SIN3A: variants seen among roughly 807,000 people sequenced by gnomAD.
The protein encoded by SIN3A is paired amphipathic helix protein Sin3a.
SIN3A carries 14 observed loss-of-function variants against 146.1 expected under a neutral mutation model. The ratio of observed to expected loss-of-function variants is 0.10; its 90% confidence interval spans 0.06 to 0.15. SIN3A has a LOEUF of 0.15. Among genes scored for constraint, SIN3A ranks in the 10% least tolerant of loss-of-function variants. The pLI is 1.00. For synonymous variants in SIN3A, 572 were observed against 572.0 expected, an observed-to-expected ratio of 1.00 and a Z score of 0.00; for missense variants, 1,028 against 1,576.0, an observed-to-expected ratio of 0.65 and a Z score of 5.89.
At chr15:75,403,737 G>T (rs1694089755) in intron 9 of SIN3A, among the ~76,000 whole-genome samples, 1 of 151,868 alleles carries the variant, frequency 6.6e-6, no homozygotes, top group East Asian at 1.9e-4. Context: ...GTAGAGACGG[G>T]GTTTCACCAT....
intron 15 of SIN3A, among the ~76,000 whole-genome samples, chr15:75,390,121 G>A (rs181633656): frequency 2.6e-5 from 4 of 152,236 alleles, no homozygotes; most frequent in Admixed American, 2.6e-4. Flanking sequence ...AATATCCTAG[G>A]GAAGCCAGTC....
intron 1 of SIN3A, among the ~76,000 whole-genome samples, chr15:75,432,556 G>A (rs937137445): frequency 4.0e-5 from 6 of 150,644 alleles, no homozygotes; most frequent in East Asian, 2.0e-4. Context: ...GTGTGATGGC[G>A]CACACCTGTA....
intron 1 of SIN3A, among the ~76,000 whole-genome samples, chr15:75,439,640 C>T (rs1049847233): frequency 6.6e-6 from 1 of 151,962 alleles, no homozygotes; most frequent in Non-Finnish European, 1.5e-5. Flanking sequence ...CCACCGCACC[C>T]GGCCATCAAT....
At chr15:75,452,515 A>G (rs373971987), upstream of SIN3A, among the ~76,000 whole-genome samples, 100 of 152,374 alleles carry the variant, frequency 6.6e-4, 2 homozygotes, top group South Asian at 0.019. Flanking sequence ...GCGTCCTTGT[A>G]AACACAAATA....
In SIN3A at chr15:75,407,223, T is replaced by G. The variant is rs2073532492; in HGVS notation, c.1318-79A>C. Reference sequence around the variant, plus strand: ...TTTATTTTTGTCTGTATTCAATGGTTTCATCACTGAAACCACTGCTGATTA... The same window carrying G: ...TTTATTTTTGTCTGTATTCAATGGTGTCATCACTGAAACCACTGCTGATTA... On this transcript the variant is annotated intron_variant, in intron 8 of 20. Coordinates refer to ENST00000394947, the MANE Select transcript of SIN3A (RefSeq NM_001145358.2). The G allele has an allele frequency of 6.5e-6, 6 of 927,324 alleles. No homozygotes were observed. The East Asian group carries it at 1.5e-4, about 24-fold the overall frequency. 57.4% of individuals were successfully genotyped at this position (927,324 alleles called of 1,614,324 possible).
chr15:75,430,221 G>A lies in SIN3A; in HGVS notation c.155C>T (p.Thr52Met), dbSNP rs2073992108. Reference protein sequence around the residue: ...EAVSETMQSATGIQYSVTPSY... With the variant: ...EAVSETMQSAMGIQYSVTPSY... ...GGGTGTTACAGAGTACTGAATTCCCGTAGCTGACTGCATGGTCTCAGACAC... is the reference window on the plus strand; with the variant it reads ...GGGTGTTACAGAGTACTGAATTCCCATAGCTGACTGCATGGTCTCAGACAC... Residue 52 changes from threonine (T) to methionine (M), a missense_variant, in exon 2 of 21, where the codon ACG (threonine) becomes ATG (methionine). Physicochemically the swap from Thr to Met is moderately conservative, Grantham distance 81 (BLOSUM62 -1). Around this residue, in one of 9 missense-constraint regions of SIN3A, gnomAD observed 152 missense variants for 231.5 expected, o/e 0.66. Transcript: ENST00000394947. 6.2e-7 allele frequency: 1 copy of A among 1,614,092 alleles called. No homozygotes were observed. The highest frequency in any genetic ancestry group is 8.5e-7 in the Non-Finnish European group (1 of 1,180,004).
In SIN3A at chr15:75,384,305, G is replaced by A. The variant is rs111803180; in HGVS notation, c.3154C>T (p.Arg1052Trp). 2.5e-6 allele frequency: 4 copies of A among 1,612,910 alleles called. No individual in the cohort carries two copies. The highest frequency in any genetic ancestry group is 3.4e-6 in the Non-Finnish European group (4 of 1,179,348). Residue 1052 changes from arginine (R) to tryptophan (W), a missense_variant, in exon 17 of 21, where the codon CGG becomes TGG. Transcript: ENST00000394947. ...SRSLLESTYQRKAEQLMSDEN... is the reference protein window; with the variant it reads ...SRSLLESTYQWKAEQLMSDEN... ...TCTGACATTAGCTGCTCAGCTTTCC[G>A]CTGATACGTTGACTCCAGGAGGCTC... is the stretch of plus-strand genomic sequence containing the variant.
intron 12 of SIN3A, among the ~76,000 whole-genome samples, chr15:75,398,219 G>A (rs939309829): frequency 6.6e-6 from 1 of 152,164 alleles, no homozygotes; most frequent in Non-Finnish European, 1.5e-5. Flanking sequence ...TACATCTTTA[G>A]ACAAACCAGA....
intron 1 of SIN3A, among the ~76,000 whole-genome samples, chr15:75,433,217 ACT>A (rs1363006135): frequency 6.6e-6 from 1 of 152,084 alleles, no homozygotes; most frequent in Non-Finnish European, 1.5e-5. Context: ...TCTACTCCAA[ACT>A]CTATCTACCA....
At chr15:75,378,958 T>C (rs1260371261) in intron 19 of SIN3A, among the ~76,000 whole-genome samples, 1 of 151,614 alleles carries the variant, frequency 6.6e-6, no homozygotes, top group East Asian at 1.9e-4. Flanking sequence ...TGGAGTGCCG[T>C]GGTGCGATCT....
chr15:75,379,561 A>C (rs1448465437), intron 19 of SIN3A, among the ~76,000 whole-genome samples: 1 of 152,224 alleles, frequency 6.6e-6, no homozygotes, highest in African/African-American at 2.4e-5. Context: ...TTTTGTTGAG[A>C]GGAACCTGAC....
chr15:75,439,360 A>G (rs1049834258), intron 1 of SIN3A, among the ~76,000 whole-genome samples: 17 of 149,422 alleles, frequency 1.1e-4, no homozygotes, highest in African/African-American at 3.9e-4. Context: ...TTTTTTTTTG[A>G]GACAGAGTCT....
chr15:75,440,336 T>C (rs1236938663), intron 1 of SIN3A, among the ~76,000 whole-genome samples: 1 of 151,370 alleles, frequency 6.6e-6, no homozygotes, highest in African/African-American at 2.4e-5. Flanking sequence ...GTTCAAGCAA[T>C]TCCTGTGCCT....
intron 1 of SIN3A, chr15:75,446,098 A>G (rs951831923): frequency 3.3e-5 from 5 of 152,210 alleles, no homozygotes; most frequent in African/African-American, 9.6e-5. Context: ...TCCCTCAAGA[A>G]GCTTATATTT....
chr15:75,376,131 G>T, intron 19 of SIN3A: 1 of 532,266 alleles, frequency 1.9e-6, no homozygotes, highest in South Asian at 2.3e-5. Context: ...GAAACTTCTA[G>T]GCCTCTGTCT....
chr15:75,393,123 G>C (rs2073239945), intron 14 of SIN3A, among the ~76,000 whole-genome samples: 1 of 152,116 alleles, frequency 6.6e-6, no homozygotes, highest in African/African-American at 2.4e-5. Context: ...CCAGCCCTTG[G>C]GATGCTAAGG....
upstream of SIN3A, chr15:75,452,826 A>T (rs2074431440): frequency 6.6e-6 from 1 of 152,334 alleles, no homozygotes; most frequent in African/African-American, 2.4e-5. Flanking sequence ...CCACACTCAG[A>T]GAATGGATAA....
intron 1 of SIN3A, among the ~76,000 whole-genome samples, chr15:75,438,351 C>T (rs1286901253): frequency 6.7e-6 from 1 of 149,024 alleles, no homozygotes; most frequent in African/African-American, 2.5e-5. Flanking sequence ...GTTGACAGAA[C>T]AAGGCTCTCC....
chr15:75,375,804 T>C lies in SIN3A; in HGVS notation c.3452A>G (p.Asn1151Ser). The C allele has an allele frequency of 6.2e-7, 1 of 1,614,180 alleles. No homozygotes were observed. The highest frequency in any genetic ancestry group is 8.5e-7 in the Non-Finnish European group (1 of 1,180,032). The part of the protein sequence containing the change: ...EQQEKEGKEG[N>S]SKKTMENVDS... Reference sequence around the variant, plus strand: ...CACATTCTCCATGGTCTTCTTGCTGTTTCCTTCCTTCCCTTCCTTTTCCTG... The same window carrying C: ...CACATTCTCCATGGTCTTCTTGCTGCTTCCTTCCTTCCCTTCCTTTTCCTG... Residue 1151 changes from asparagine (N) to serine (S), a missense_variant, in exon 20 of 21, where the codon AAC becomes AGC. Physicochemically the swap from Asn to Ser is conservative, Grantham distance 46. Coordinates refer to ENST00000394947, the MANE Select transcript of SIN3A (RefSeq NM_001145358.2).
Sources: gnomAD v4.1 joint callset for allele counts (sites outside exome capture counted in the v4.1 genomes callset) on GRCh38, gnomAD v4.1.1 for gene constraint, gnomAD v4.1.1 regional missense constraint, MANE v1.5 for transcripts, NCBI Gene and HGNC (gene_info 2026-07-23, HGNC 2026-07-21) for gene names.